CAST: variants seen among roughly 807,000 people sequenced by gnomAD.
CAST encodes calpastatin.
In CAST, 76 loss-of-function variants were observed where a neutral mutation model predicts 119.6. That is an observed-to-expected ratio of 0.64 (90% CI 0.53 to 0.77). The LOEUF (loss-of-function observed/expected upper bound fraction) is 0.77. CAST is among the 30% of genes least tolerant of loss of function. CAST has a pLI of 0.00. For synonymous variants in CAST, 319 were observed against 331.6 expected, an observed-to-expected ratio of 0.96 and a Z score of 0.41; for missense variants, 953 against 946.5, an observed-to-expected ratio of 1.01 and a Z score of -0.09.
chr5:96,122,356 G>C, the CAST span, among the ~76,000 whole-genome samples: 1 of 152,122 alleles, frequency 6.6e-6, no homozygotes, highest in Non-Finnish European at 1.5e-5. Flanking sequence ...TTCTGAGCAA[G>C]TTTTGAAATG....
At chr5:96,277,849 A>C in the CAST span, among the ~76,000 whole-genome samples, 1 of 152,058 alleles carries the variant, frequency 6.6e-6, no homozygotes. Context: ...AAAAAATTGT[A>C]TGTTCATTTC....
chr5:96,048,420 A>G, the CAST span, among the ~76,000 whole-genome samples: 15 of 152,316 alleles, frequency 9.8e-5, no homozygotes, highest in Admixed American at 9.8e-4. Flanking sequence ...ATAGGACATT[A>G]TGATAGACTG....
At chr5:96,429,315 A>C in the CAST span, 1 of 1,517,512 alleles carries the variant, frequency 6.6e-7, no homozygotes, top group Non-Finnish European at 9.2e-7. Flanking sequence ...CAAGTGAACC[A>C]ATCTATAAAA....
At position 96,629,883 on chromosome 5, in the gene CAST, G is replaced by A. The variant is rs140860236; in HGVS notation, c.61-45656G>A. On this transcript the variant is annotated intron_variant, in intron 1 of 11. Transcript: ENST00000505143. ...GGCAGAGATGAATTTCTTCTTCTAT[G>A]AAGTACTATGAATTTGCAAACACAG... Among the ~76,000 whole-genome samples the A allele has an allele frequency of 1.5e-3, 225 of 152,278 alleles. 4 individuals are homozygous for A. The highest frequency in any genetic ancestry group is 3.5e-3 in the East Asian group (18 of 5,178).
chr5:96,069,202 G>A, the CAST span, among the ~76,000 whole-genome samples: 1 of 151,444 alleles, frequency 6.6e-6, no homozygotes, highest in East Asian at 2.0e-4. Context: ...TGGGAAGACA[G>A]GTGTGTATAT....
intron 1 of CAST, among the ~76,000 whole-genome samples, chr5:96,563,179 C>T (rs1159211108): frequency 6.6e-6 from 1 of 152,300 alleles, no homozygotes; most frequent in Non-Finnish European, 1.5e-5. Flanking sequence ...TTCTTCATAA[C>T]TATTCACTCT....
chr5:96,075,350 A>G, the CAST span, among the ~76,000 whole-genome samples: 2 of 152,196 alleles, frequency 1.3e-5, no homozygotes, highest in East Asian at 3.8e-4. Flanking sequence ...ATTTCTTGGC[A>G]TCATCTACAT....
the CAST span, among the ~76,000 whole-genome samples, chr5:96,374,082 C>T: frequency 6.6e-6 from 1 of 152,054 alleles, no homozygotes; most frequent in Non-Finnish European, 1.5e-5. Flanking sequence ...AGATTTGGCA[C>T]CTTATGTAGA....
At chr5:96,325,179 G>A in the CAST span, among the ~76,000 whole-genome samples, 19 of 152,210 alleles carry the variant, frequency 1.2e-4, no homozygotes, top group East Asian at 3.7e-3. Flanking sequence ...ACTCCAGACT[G>A]GGTGACAGAG....
the CAST span, among the ~76,000 whole-genome samples, chr5:96,088,272 G>A: frequency 2.0e-5 from 3 of 152,086 alleles, no homozygotes; most frequent in African/African-American, 7.2e-5. Flanking sequence ...CACTCCCTCC[G>A]GAGACAAATT....
the CAST span, among the ~76,000 whole-genome samples, chr5:96,018,847 AAGTTAAC>A: frequency 1.3e-5 from 2 of 152,180 alleles, no homozygotes; most frequent in Non-Finnish European, 2.9e-5. Context: ...GTAGTTGAGA[AAGTTAAC>A]AAAGTCTAAA....
At chr5:96,121,222 T>C in the CAST span, among the ~76,000 whole-genome samples, 1 of 152,170 alleles carries the variant, frequency 6.6e-6, no homozygotes, top group Non-Finnish European at 1.5e-5. Flanking sequence ...CTTGGCACAT[T>C]AATTTGTTGA....
intron 4 of CAST, among the ~76,000 whole-genome samples, chr5:96,723,749 C>T (rs1041556220): frequency 2.0e-5 from 3 of 152,202 alleles, no homozygotes; most frequent in Non-Finnish European, 4.4e-5. Flanking sequence ...TCAAAATTCT[C>T]TCAACTAATG....
the CAST span, among the ~76,000 whole-genome samples, chr5:96,329,876 G>T: frequency 6.6e-6 from 1 of 152,208 alleles, no homozygotes; most frequent in Non-Finnish European, 1.5e-5. Flanking sequence ...TGCAAATTAG[G>T]CTCTGAGCAG....
chr5:96,530,209 T>A (rs1745666680), intron 1 of CAST, among the ~76,000 whole-genome samples: 1 of 151,656 alleles, frequency 6.6e-6, no homozygotes, highest in African/African-American at 2.4e-5. Context: ...TTAGGTAGGG[T>A]AATCACGGAA....
chr5:96,412,897 T>A, the CAST span: 4 of 141,912 alleles, frequency 2.8e-5, no homozygotes, highest in African/African-American at 4.8e-5. Context: ...TTGCCCTCCC[T>A]CCCACCCCAA....
the CAST span, among the ~76,000 whole-genome samples, chr5:96,139,392 C>T: frequency 6.6e-6 from 1 of 151,566 alleles, no homozygotes; most frequent in Non-Finnish European, 1.5e-5. Flanking sequence ...TAGATCTCCA[C>T]TTACTAGTTA....
the CAST span, among the ~76,000 whole-genome samples, chr5:96,403,733 A>G: frequency 6.6e-6 from 1 of 152,236 alleles, no homozygotes; most frequent in Non-Finnish European, 1.5e-5. Context: ...CTTAGGAGCT[A>G]TCTGGTTCAG....
At chr5:96,444,857 A>G in the CAST span, among the ~76,000 whole-genome samples, 7 of 152,022 alleles carry the variant, frequency 4.6e-5, no homozygotes, top group Non-Finnish European at 8.8e-5. Flanking sequence ...CATTCCTCCA[A>G]TTTCCAGTTA....
Sources: gnomAD v4.1 joint callset for allele counts (sites outside exome capture counted in the v4.1 genomes callset) on GRCh38, gnomAD v4.1.1 for gene constraint, MANE v1.5 for transcripts, NCBI Gene and HGNC (gene_info 2026-07-23, HGNC 2026-07-21) for gene names.